The following GPLD1 variants were observed in gnomAD, a reference collection of about 807,000 sequenced individuals.
The protein encoded by GPLD1 is phosphatidylinositol-glycan-specific phospholipase D.
GPLD1 carries 84 observed loss-of-function variants against 112.6 expected under a neutral mutation model. That is an observed-to-expected ratio of 0.75 (90% CI 0.63 to 0.89). The LOEUF (loss-of-function observed/expected upper bound fraction) is 0.89, where lower values mean the gene tolerates loss of function less well. Among genes scored for constraint, GPLD1 ranks in the 40% least tolerant of loss-of-function variants. The pLI, the probability that GPLD1 is intolerant of heterozygous loss-of-function variation, is 0.00. For synonymous variants in GPLD1, 386 were observed against 403.8 expected, an observed-to-expected ratio of 0.96 and a Z score of 0.53; for missense variants, 1,044 against 1,051.5, an observed-to-expected ratio of 0.99 and a Z score of 0.10.
chr6:24,478,533 C>G (rs1764097310), intron 3 of GPLD1, among the ~76,000 whole-genome samples: 1 of 152,208 alleles, frequency 6.6e-6, no homozygotes, highest in African/African-American at 2.4e-5. Flanking sequence ...CCCCATCCTT[C>G]TCTACCTTGT....
intron 14 of GPLD1, among the ~76,000 whole-genome samples, chr6:24,452,766 T>A (rs1213309489): frequency 1.7e-5 from 2 of 115,394 alleles, no homozygotes; most frequent in East Asian, 5.0e-4. Context: ...ACAGTGAGAG[T>A]TTATCTCAAA....
rs1185959090 is a variant in GPLD1, at chr6:24,428,969, G to T, written c.*63C>A. On this transcript the variant is annotated 3_prime_UTR_variant, in exon 25 of 25. Coordinates refer to ENST00000230036, the MANE Select transcript of GPLD1 (RefSeq NM_001503.4). ...GATGTGCCACTTTGTCCATCAAAAT[G>T]CTCACCATGGATGTGATTCAGCATG... The T allele has an allele frequency of 2.7e-5, 31 of 1,133,662 alleles. No homozygotes were observed. The highest frequency in any genetic ancestry group is 4.0e-5 in the Non-Finnish European group (31 of 768,530). The allele number at this position is 1,133,662 out of a possible 1,614,324, so 70.2% of individuals were successfully genotyped here.
intron 18 of GPLD1, 133 bp from the exon 19 acceptor site, chr6:24,445,964 G>A: frequency 1.5e-6 from 1 of 658,970 alleles, no homozygotes; most frequent in Non-Finnish European, 2.7e-6. Context: ...GCGACCCCAG[G>A]CCTGGAAGTG....
intron 5 of GPLD1, among the ~76,000 whole-genome samples, chr6:24,474,206 C>T (rs58017120): frequency 0.094 from 11,378 of 120,826 alleles, 1,275 homozygotes; most frequent in African/African-American, 0.25. Flanking sequence ...CACACACACA[C>T]ATATATATGC....
At chr6:24,488,861 G>C (rs2817212) in intron 1 of GPLD1, among the ~76,000 whole-genome samples, 76,229 of 151,824 alleles carry the variant, frequency 0.5, 19,704 homozygotes, top group African/African-American at 0.6. Context: ...GTACCCTTCT[G>C]CTCTCCAACT....
intron 1 of GPLD1, among the ~76,000 whole-genome samples, chr6:24,488,126 G>T (rs992800535): frequency 6.6e-6 from 1 of 152,090 alleles, no homozygotes; most frequent in African/African-American, 2.4e-5. Context: ...AGAAAACTCA[G>T]GCCAGGCGCG....
chr6:24,486,128 GTCCTGAGAGAAATAA>G lies in GPLD1; in HGVS notation c.98-13_99del. On this transcript the variant is annotated splice_acceptor_variant and splice_polypyrimidine_tract_variant and coding_sequence_variant and intron_variant, in exon 2 of 25. Coordinates refer to ENST00000230036, the MANE Select transcript of GPLD1 (RefSeq NM_001503.4). LOFTEE classifies it high-confidence loss of function. ...AGCTGAAGAAACTCCAGAGCTCTGT[GTCCTGAGAGAAATAA>G]ATACATAAATCAATTAAGTTCAACT... The G allele has an allele frequency of 6.4e-7, 1 of 1,559,014 alleles. No individual in the cohort carries two copies. The highest frequency in any genetic ancestry group is 1.1e-5 in the South Asian group (1 of 88,574).
At chr6:24,475,539 CAA>C (rs5874985) in intron 4 of GPLD1, among the ~76,000 whole-genome samples, 31 of 120,794 alleles carry the variant, frequency 2.6e-4, no homozygotes, top group Non-Finnish European at 3.0e-4. Context: ...GACTCTGTCT[CAA>C]AAAAAAAAAA....
chr6:24,462,861 A>C, intron 10 of GPLD1, 66 bp from the exon 11 acceptor site: 33 of 1,125,238 alleles, frequency 2.9e-5, no homozygotes, highest in Non-Finnish European at 4.4e-5. Context: ...TTTACCGAGA[A>C]TCGGTAGTGC....
At chr6:24,435,157 G>A (rs1447513759) in intron 22 of GPLD1, among the ~76,000 whole-genome samples, 4 of 151,496 alleles carry the variant, frequency 2.6e-5, no homozygotes, top group Admixed American at 1.3e-4. Flanking sequence ...GACTACAGGC[G>A]CCCGCCACCA....
rs1204997747 is a variant in GPLD1 at position 24,436,681 on chromosome 6, A to C, written c.2253T>G (p.Ile751Met). ...CATATACTCGGCCGTCTTCTCCCCCAATCAGTCCAGAGGTTACATCTGCTA... is the reference window on the plus strand; with the variant it reads ...CATATACTCGGCCGTCTTCTCCCCCCATCAGTCCAGAGGTTACATCTGCTA... ...LRIADVTSGL[I>M]GGEDGRVYVY... The change falls in exon 22 of 25, where the codon ATT becomes ATG. Residue 751 changes from isoleucine to methionine, a missense_variant. Ile to Met is a conservative substitution (Grantham distance 10, BLOSUM62 1). Coordinates refer to ENST00000230036, the MANE Select transcript of GPLD1 (RefSeq NM_001503.4). 6.2e-7 allele frequency: 1 copy of C among 1,613,832 alleles called. No homozygotes were observed. Among genetic ancestry groups the C allele is most frequent in the African/African-American group, 1.3e-5 (1 of 74,866 alleles).
At chr6:24,468,959 G>C (rs1763709450) in intron 7 of GPLD1, among the ~76,000 whole-genome samples, 1 of 152,194 alleles carries the variant, frequency 6.6e-6, no homozygotes, top group Non-Finnish European at 1.5e-5. Flanking sequence ...AATTGATTGA[G>C]ACTTGTCTCA....
Position 24,433,112 on chromosome 6 carries a change from C to T in GPLD1, c.2436+75G>A, listed in dbSNP as rs954765824. 3.8e-5 allele frequency: 36 copies of T among 951,418 alleles called. 1 individual carries two copies. The highest frequency in any genetic ancestry group is 5.1e-5 in the South Asian group (4 of 77,828). 58.9% of individuals were successfully genotyped at this position (951,418 alleles called of 1,614,324 possible). On this transcript the variant is annotated intron_variant, in intron 24 of 24. Transcript: ENST00000230036. ...AAATAAAAATAAAATCTGAAATAAA[C>T]CTAACAAGTGAGACCACCAAATCCC...
At chr6:24,441,794 G>A (rs371121536) in intron 20 of GPLD1, among the ~76,000 whole-genome samples, 1 of 152,102 alleles carries the variant, frequency 6.6e-6, no homozygotes, top group Non-Finnish European at 1.5e-5. Flanking sequence ...TGTCAACAAT[G>A]TTTTAACAAG....
At position 24,437,119 on chromosome 6, in the gene GPLD1, C is replaced by A. The variant is rs918596965; in HGVS notation, c.2191G>T (p.Gly731Cys). ...GGTCCTGTTCCTTTCTTACCTAAGC[C>A]ATCATCATCCAGGTCACTCAAGTGC... ...VLHLSDLDDD[G>C]LDEIIMAAPL... The change falls in exon 21 of 25, where the codon GGC becomes TGC. Residue 731 changes from glycine to cysteine, a missense_variant. Transcript: ENST00000230036. The A allele has an allele frequency of 3.1e-6, 5 of 1,613,810 alleles. No homozygotes were observed. In the African/African-American group the frequency reaches 6.7e-5, roughly 22 times the overall value.
At chr6:24,475,316 C>A (rs1223093638) in intron 4 of GPLD1, 85 bp from the exon 5 acceptor site, 5 of 782,246 alleles carry the variant, frequency 6.4e-6, no homozygotes, top group Admixed American at 6.1e-5. Flanking sequence ...AATATAAATT[C>A]ATTTATGTTA....
chr6:24,432,771 C>T (rs1380362292), intron 24 of GPLD1, among the ~76,000 whole-genome samples: 6 of 152,208 alleles, frequency 3.9e-5, no homozygotes, highest in Admixed American at 3.3e-4. Context: ...AGTTCTGCCA[C>T]GGCAGCACGA....
intron 7 of GPLD1, among the ~76,000 whole-genome samples, chr6:24,470,180 A>C (rs779108190): frequency 4.6e-5 from 7 of 152,018 alleles, no homozygotes; most frequent in Non-Finnish European, 8.8e-5. Context: ...CTGTCGCCCA[A>C]GCTGGAGCGC....
intron 24 of GPLD1, among the ~76,000 whole-genome samples, chr6:24,430,317 C>T (rs977515299): frequency 1.3e-5 from 2 of 152,210 alleles, no homozygotes; most frequent in Non-Finnish European, 2.9e-5. Flanking sequence ...GCAGGCCCTT[C>T]CCTGACTCCA....
Sources: gnomAD v4.1 joint callset for allele counts (sites outside exome capture counted in the v4.1 genomes callset) on GRCh38, gnomAD v4.1.1 for gene constraint, MANE v1.5 for transcripts, NCBI Gene and HGNC (gene_info 2026-07-23, HGNC 2026-07-21) for gene names.